The following NCK2 variants were observed in gnomAD, a reference collection of about 807,000 sequenced individuals.
NCK2 encodes the protein NCK adaptor protein 2.
NCK2 carries 16 observed loss-of-function variants against 33.9 expected under a neutral mutation model. The ratio of observed to expected loss-of-function variants is 0.47; its 90% CI spans 0.32 to 0.72. The LOEUF (loss-of-function observed/expected upper bound fraction) is 0.72. NCK2 is among the 30% of genes least tolerant of loss of function. NCK2 has a pLI of 0.03. For missense variants in NCK2, 418 were observed against 537.3 expected (o/e 0.78, Z 2.19); for synonymous variants, 273 against 239.9 (o/e 1.14, Z -1.27).
intron 1 of NCK2, among the ~76,000 whole-genome samples, chr2:105,745,400 C>T (rs1689246726): frequency 1.3e-5 from 2 of 151,944 alleles, no homozygotes; most frequent in South Asian, 4.1e-4. Context: ...GGCCCAGGGG[C>T]GGGGACGCCA....
At chr2:105,745,477 G>A (rs1161574596) in intron 1 of NCK2, among the ~76,000 whole-genome samples, 2 of 151,922 alleles carry the variant, frequency 1.3e-5, no homozygotes, top group Admixed American at 6.6e-5. Context: ...GGAGACCCCC[G>A]GGTGCGCAGG....
intron 1 of NCK2, among the ~76,000 whole-genome samples, chr2:105,749,887 G>A (rs1251480574): frequency 2.0e-5 from 3 of 152,068 alleles, no homozygotes; most frequent in South Asian, 2.1e-4. Flanking sequence ...CACAGAGGCC[G>A]GGCGCAGTGG....
intron 1 of NCK2, among the ~76,000 whole-genome samples, chr2:105,765,995 T>C (rs1689929409): frequency 6.6e-6 from 1 of 152,032 alleles, no homozygotes; most frequent in Admixed American, 6.6e-5. Context: ...ACGCTTACAC[T>C]GCACAGGTAT....
intron 1 of NCK2, among the ~76,000 whole-genome samples, chr2:105,789,089 C>T (rs1211154861): frequency 6.6e-6 from 1 of 152,164 alleles, no homozygotes; most frequent in Non-Finnish European, 1.5e-5. Context: ...CCAAGTGAGC[C>T]CCACCCACCT....
At chr2:105,844,329 C>A (rs151032424) in intron 2 of NCK2, among the ~76,000 whole-genome samples, 1 of 152,090 alleles carries the variant, frequency 6.6e-6, no homozygotes, top group Non-Finnish European at 1.5e-5. Flanking sequence ...TCTGAATAAA[C>A]CATGAACTTT....
At chr2:105,864,379 T>C (rs1677666465) in intron 3 of NCK2, among the ~76,000 whole-genome samples, 1 of 152,054 alleles carries the variant, frequency 6.6e-6, no homozygotes, top group Non-Finnish European at 1.5e-5. Flanking sequence ...TAGGACTCTG[T>C]TGACTGGATG....
At chr2:105,864,604 T>C (rs987887901) in intron 3 of NCK2, among the ~76,000 whole-genome samples, 2 of 152,082 alleles carry the variant, frequency 1.3e-5, no homozygotes, top group African/African-American at 2.4e-5. Context: ...TACTTCTTTA[T>C]GTCAGTGAAT....
chr2:105,823,849 G>A (rs1188663114), intron 2 of NCK2, among the ~76,000 whole-genome samples: 4 of 152,202 alleles, frequency 2.6e-5, no homozygotes, highest in Middle Eastern at 3.4e-3. Context: ...AAGCAGTAAG[G>A]ATGATCCTAA....
intron 2 of NCK2, among the ~76,000 whole-genome samples, chr2:105,847,622 C>T (rs987103735): frequency 6.6e-6 from 1 of 151,672 alleles, no homozygotes; most frequent in Non-Finnish European, 1.5e-5. Flanking sequence ...GGGAGAGGGG[C>T]CTGGTGGGAC....
At chr2:105,774,594 G>T (rs1690243348) in intron 1 of NCK2, among the ~76,000 whole-genome samples, 1 of 152,092 alleles carries the variant, frequency 6.6e-6, no homozygotes. Flanking sequence ...TCCACTGCAG[G>T]TCTGGTCATG....
In NCK2 at chr2:105,844,528, T is replaced by C. The variant is rs896624474; in HGVS notation, c.-16-10520T>C. Among the ~76,000 whole-genome samples the C allele has an allele frequency of 2.0e-5, 3 of 149,488 alleles. No homozygotes were observed. The Admixed American group carries it at 2.0e-4, about 10-fold the overall frequency. On this transcript the variant is annotated intron_variant, in intron 2 of 4. Coordinates refer to ENST00000233154, the MANE Select transcript of NCK2 (RefSeq NM_003581.5). ...TATGAAGTCGAGTTGGAGACCAGCC[T>C]GGCCAACATGATGAAACCCCCATCT...
At chr2:105,820,509 C>T (rs1675686302) in intron 2 of NCK2, among the ~76,000 whole-genome samples, 3 of 152,158 alleles carry the variant, frequency 2.0e-5, no homozygotes, top group South Asian at 4.1e-4. Context: ...GTGCATTTCC[C>T]TACCCTGTTT....
At chr2:105,890,780 T>C (rs915785378) in intron 4 of NCK2, among the ~76,000 whole-genome samples, 13 of 152,254 alleles carry the variant, frequency 8.5e-5, no homozygotes, top group Non-Finnish European at 1.8e-4. Context: ...TTGGTAGAAA[T>C]GGAGTGATTC....
chr2:105,851,417 C>T (rs1677063897), intron 2 of NCK2, among the ~76,000 whole-genome samples: 2 of 152,188 alleles, frequency 1.3e-5, no homozygotes, highest in Admixed American at 1.3e-4. Context: ...GAGCGTGCCA[C>T]CACCCCCGGC....
chr2:105,810,383 A>G (rs1347695143), intron 1 of NCK2, among the ~76,000 whole-genome samples: 1 of 152,104 alleles, frequency 6.6e-6, no homozygotes, highest in Admixed American at 6.5e-5. Context: ...GGAGAGAGAG[A>G]AAAACAGGAT....
At chr2:105,888,683 G>A (rs1387481956) in intron 4 of NCK2, among the ~76,000 whole-genome samples, 1 of 152,202 alleles carries the variant, frequency 6.6e-6, no homozygotes, top group Non-Finnish European at 1.5e-5. Flanking sequence ...CCAAGATGTG[G>A]CAGAAGCGAT....
intron 1 of NCK2, among the ~76,000 whole-genome samples, chr2:105,779,991 C>T (rs1690435657): frequency 6.6e-6 from 1 of 152,108 alleles, no homozygotes; most frequent in Non-Finnish European, 1.5e-5. Context: ...GTGTGTGCTT[C>T]CTTGGGTTAT....
At chr2:105,831,525 G>A (rs1201052979) in intron 2 of NCK2, among the ~76,000 whole-genome samples, 2 of 151,806 alleles carry the variant, frequency 1.3e-5, no homozygotes, top group African/African-American at 4.8e-5. Context: ...ATAGTTTGGG[G>A]GCTTACATTT....
intron 1 of NCK2, among the ~76,000 whole-genome samples, chr2:105,765,891 G>T (rs182353466): frequency 1.3e-5 from 2 of 151,608 alleles, no homozygotes; most frequent in African/African-American, 4.8e-5. Context: ...TAAGAGTCTA[G>T]GTAAGCCACA....
Sources: gnomAD v4.1 joint callset for allele counts (sites outside exome capture counted in the v4.1 genomes callset) on GRCh38, gnomAD v4.1.1 for gene constraint, MANE v1.5 for transcripts, NCBI Gene and HGNC (gene_info 2026-07-23, HGNC 2026-07-21) for gene names.